PWWP3B: variants seen among roughly 807,000 people sequenced by gnomAD.
The protein encoded by PWWP3B is PWWP domain-containing DNA repair factor 3B.
In PWWP3B, 5 loss-of-function variants were observed where a neutral mutation model predicts 15.7. The ratio of observed to expected loss-of-function variants is 0.32; its 90% CI spans 0.17 to 0.67. The LOEUF (loss-of-function observed/expected upper bound fraction) is 0.67, where lower values mean the gene tolerates loss of function less well. PWWP3B is among the 30% of genes least tolerant of loss of function. The pLI is 0.74. For missense variants in PWWP3B, 519 were observed against 493.1 expected (o/e 1.05, Z -0.50); for synonymous variants, 203 against 179.8 (o/e 1.13, Z -1.03).
At chrX:106,184,869 G>C (rs1406380542) in intron 2 of PWWP3B, among the ~76,000 whole-genome samples, 7 of 110,932 alleles carry the variant, frequency 6.3e-5, no homozygotes, top group Non-Finnish European at 1.1e-4. Context: ...GATAGCCCAG[G>C]GGTTTTTGTG....
intron 2 of PWWP3B, among the ~76,000 whole-genome samples, chrX:106,178,537 A>G (rs1033419353): frequency 3.6e-5 from 4 of 112,439 alleles, no homozygotes; most frequent in African/African-American, 1.3e-4. Flanking sequence ...GGCAGGCTTT[A>G]CTATCACTAT....
At chrX:106,191,897 T>G (rs1922995499) in intron 2 of PWWP3B, among the ~76,000 whole-genome samples, 1 of 111,875 alleles carries the variant, frequency 8.9e-6, no homozygotes, top group South Asian at 3.7e-4. Context: ...AAGCCCACTC[T>G]ATCATGGTGG....
chrX:106,206,685 G>A lies in PWWP3B; in HGVS notation c.1253G>A (p.Arg418Lys), dbSNP rs778031322. ...ATAAAAAGTATCAGACGAAAAGAGA[G>A]GAAAGCAAGTGTGCTTTTTGTTGAG... ...AVIKSIRRKE[R>K]KASVLFVEAN... Residue 418 changes from arginine to lysine, a missense_variant, in exon 4 of 4, where the codon AGG (arginine) becomes AAG (lysine). Coordinates refer to ENST00000357175, the MANE Select transcript of PWWP3B (RefSeq NM_001171020.2). 19 of 1,208,403 alleles carry A rather than the reference G, an allele frequency of 1.6e-5. No homozygotes were observed. The highest frequency in any genetic ancestry group is 1.5e-4 in the East Asian group (5 of 33,738).
intron 2 of PWWP3B, among the ~76,000 whole-genome samples, chrX:106,190,849 A>G (rs976518373): frequency 9.0e-6 from 1 of 111,111 alleles, no homozygotes; most frequent in Non-Finnish European, 1.9e-5. Flanking sequence ...AAGATCAGAT[A>G]GTTGTAGATA....
rs1176730999 is a variant in PWWP3B, at chrX:106,189,859, C to T, written c.-400-14126C>T. Among the ~76,000 whole-genome samples the T allele has an allele frequency of 8.1e-5, 9 of 111,245 alleles. No individual in the cohort carries two copies. The South Asian group carries it at 1.1e-3, about 14-fold the overall frequency. ...GTCTCGATCTCCTGACCTCGTGATC[C>T]GCCTGCCTCGGCCTCCCAAAGTGCT... On this transcript the variant is annotated intron_variant, in intron 2 of 3. Transcript: ENST00000357175.
chrX:106,194,503 G>A (rs750146033), intron 2 of PWWP3B, among the ~76,000 whole-genome samples: 10 of 111,546 alleles, frequency 9.0e-5, no homozygotes, highest in Admixed American at 5.7e-4. Flanking sequence ...CCTGTAGCTC[G>A]GAGTAGTTTG....
intron 2 of PWWP3B, among the ~76,000 whole-genome samples, chrX:106,173,903 C>T (rs1362792770): frequency 1.8e-5 from 2 of 111,415 alleles, no homozygotes; most frequent in African/African-American, 3.3e-5. Context: ...TTTTTCTCCG[C>T]TGAGCTAATA....
intron 2 of PWWP3B, among the ~76,000 whole-genome samples, chrX:106,195,820 C>A (rs1255887590): frequency 1.8e-5 from 2 of 111,768 alleles, no homozygotes; most frequent in Non-Finnish European, 3.8e-5. Context: ...TTCTCAATTT[C>A]TATGAAAAAC....
intron 2 of PWWP3B, among the ~76,000 whole-genome samples, chrX:106,197,451 G>T (rs1294658689): frequency 9.0e-6 from 1 of 111,615 alleles, no homozygotes; most frequent in East Asian, 2.8e-4. Flanking sequence ...GTGTCTTAAG[G>T]CTTTGCTTCT....
At chrX:106,191,354 G>T (rs1487087211) in intron 2 of PWWP3B, among the ~76,000 whole-genome samples, 96 of 111,181 alleles carry the variant, frequency 8.6e-4, no homozygotes, top group African/African-American at 3.0e-3. Flanking sequence ...TCTGTTATTG[G>T]TGTATAAGAA....
Position 106,199,291 on chromosome X carries a change from C to T in PWWP3B, c.-400-4694C>T, listed in dbSNP as rs1000494552. ...CAGAATGGTCTTGATCTCCTGACCTCGTGATCCACCTGTCTCGGCCTCCCA... is the reference window on the plus strand; with the variant it reads ...CAGAATGGTCTTGATCTCCTGACCTTGTGATCCACCTGTCTCGGCCTCCCA... On this transcript the variant is annotated intron_variant, in intron 2 of 3. Coordinates refer to ENST00000357175, the MANE Select transcript of PWWP3B (RefSeq NM_001171020.2). 3.6e-5 allele frequency among the ~76,000 whole-genome samples: 4 copies of T among 111,451 alleles called. No individual in the cohort carries two copies. In the South Asian group the frequency reaches 1.1e-3, roughly 32 times the overall value.
chrX:106,208,894 C>T lies in PWWP3B; in HGVS notation c.*1371C>T, dbSNP rs1924193538. 1 of 122,811 alleles carries T rather than the reference C, an allele frequency of 8.1e-6. No individual in the cohort carries two copies. The highest frequency in any genetic ancestry group is 9.5e-5 in the Admixed American group (1 of 10,478). 10.1% of individuals were successfully genotyped at this position (122,811 alleles called of 1,213,427 possible). On this transcript the variant is annotated 3_prime_UTR_variant, in exon 4 of 4. Transcript: ENST00000357175. The stretch of plus-strand genomic sequence containing the variant: ...CTTGTTATACAGTCATATGGCTACA[C>T]GTTTATGTAAAGTTTGCAAAAGTTT...
At position 106,207,501 on chromosome X, in the gene PWWP3B, C is replaced by T. The variant is rs1411395624; in HGVS notation, c.2069C>T (p.Ala690Val). 5 of 1,144,856 alleles carry T rather than the reference C, an allele frequency of 4.4e-6. No homozygotes were observed. Among genetic ancestry groups the T allele is most frequent in the Non-Finnish European group, 4.6e-6 (4 of 864,067 alleles). The allele number at this position is 1,144,856 out of a possible 1,213,427, so 94.3% of individuals were successfully genotyped here. Residue 690 changes from alanine to valine, a missense_variant, in exon 4 of 4, where the codon GCA (alanine) becomes GTA (valine). Physicochemically the swap from Ala to Val is moderately conservative, Grantham distance 64 (BLOSUM62 0). Coordinates refer to ENST00000357175, the MANE Select transcript of PWWP3B (RefSeq NM_001171020.2). ...ATAATATATGAAAAGAGACGAAAAG[C>T]ACCAACAAATGAAGCTCACTAAATG... Reference protein sequence around the residue: ...AKIIYEKRRKAPTNEAH With the variant: ...AKIIYEKRRKVPTNEAH
At chrX:106,186,297 C>T (rs186064783) in intron 2 of PWWP3B, among the ~76,000 whole-genome samples, 12 of 110,708 alleles carry the variant, frequency 1.1e-4, no homozygotes, top group Non-Finnish European at 2.3e-4. Flanking sequence ...TTGGCTGAGC[C>T]CGGAAGTACA....
At chrX:106,177,778 G>A (rs1214255432) in intron 2 of PWWP3B, among the ~76,000 whole-genome samples, 2 of 112,115 alleles carry the variant, frequency 1.8e-5, no homozygotes, top group Admixed American at 1.9e-4. Flanking sequence ...CATGAACATG[G>A]AAAGGGATTC....
At chrX:106,194,423 A>T (rs1044808190) in intron 2 of PWWP3B, among the ~76,000 whole-genome samples, 7 of 111,152 alleles carry the variant, frequency 6.3e-5, no homozygotes, top group Non-Finnish European at 1.3e-4. Context: ...TGCATTGGTT[A>T]TTCTAGTTAT....
rs1216545916 is a variant in PWWP3B, at chrX:106,207,020, T to A, written c.1588T>A (p.Ser530Thr). The part of the protein sequence containing the change: ...EDAREPMAVT[S>T]QTKKMSFQKI... ...TGCCAGGGAACCGATGGCTGTAACT[T>A]CCCAGACCAAGAAAATGTCCTTCCA... Residue 530 changes from serine (S) to threonine (T), a missense_variant, in exon 4 of 4, where the codon TCC becomes ACC. Ser to Thr is a moderately conservative substitution (Grantham distance 58). Transcript: ENST00000357175. 1 of 1,209,385 alleles carries A rather than the reference T, an allele frequency of 8.3e-7. No homozygotes were observed. Among genetic ancestry groups the A allele is most frequent in the Non-Finnish European group, 1.1e-6 (1 of 894,245 alleles).
intron 3 of PWWP3B, 102 bp from the exon 4 acceptor site, chrX:106,205,117 T>A: frequency 5.5e-6 from 1 of 181,138 alleles, no homozygotes; most frequent in Non-Finnish European, 1.0e-5. Context: ...CCACTGCACA[T>A]TGTTCTTTTA....
chrX:106,194,835 A>T (rs1449622199), intron 2 of PWWP3B, among the ~76,000 whole-genome samples: 1 of 111,954 alleles, frequency 8.9e-6, no homozygotes, highest in African/African-American at 3.3e-5. Flanking sequence ...GGGTATCAGC[A>T]GCGGTGGCTG....
Sources: allele counts gnomAD v4.1 joint callset (sites outside exome capture counted in the v4.1 genomes callset), GRCh38; gene constraint gnomAD v4.1.1; transcripts MANE v1.5; gene names NCBI Gene and HGNC (gene_info 2026-07-23, HGNC 2026-07-21).